CSMD1: variants seen among roughly 807,000 people sequenced by gnomAD.
The protein encoded by CSMD1 is CUB and Sushi multiple domains 1, also known as CUB and sushi domain-containing protein 1.
In CSMD1, 213 loss-of-function variants were observed where a neutral mutation model predicts 417.5. The ratio of observed to expected loss-of-function variants is 0.51; its 90% confidence interval spans 0.46 to 0.57. The LOEUF is 0.57. Among genes scored for constraint, CSMD1 ranks in the 20% least tolerant of loss-of-function variants. CSMD1 has a pLI of 0.00. For missense variants in CSMD1, 6,923 were observed against 4,529.7 expected (o/e 1.53, Z -15.17); for synonymous variants, 2,862 against 1,736.8 (o/e 1.65, Z -16.11).
intron 11 of CSMD1, among the ~76,000 whole-genome samples, chr8:3,481,384 C>T (rs890376205): frequency 2.0e-5 from 3 of 152,028 alleles, no homozygotes; most frequent in Non-Finnish European, 4.4e-5. Context: ...ATTAGAACAG[C>T]GTCTGGTACT....
At chr8:3,074,331 C>A (rs960331198) in intron 49 of CSMD1, among the ~76,000 whole-genome samples, 3 of 152,196 alleles carry the variant, frequency 2.0e-5, no homozygotes, top group African/African-American at 7.2e-5. Flanking sequence ...CACATTCTCC[C>A]TTCCTGAAGT....
chr8:4,453,810 G>GTTTTTTTTTTTTTTTTTTT (rs1392324658), intron 2 of CSMD1, among the ~76,000 whole-genome samples: 2 of 93,020 alleles, frequency 2.2e-5, no homozygotes, highest in Non-Finnish European at 2.2e-5. Flanking sequence ...TGCGCAATTC[G>GTTTTTTTTTTTTTTTTTTT]TTTCTTTTTT....
intron 10 of CSMD1, among the ~76,000 whole-genome samples, chr8:3,541,683 T>C (rs1475561310): frequency 6.7e-6 from 1 of 149,546 alleles, no homozygotes; most frequent in Non-Finnish European, 1.5e-5. Flanking sequence ...ACCCTATAAT[T>C]AGTACTAGTT....
At chr8:3,977,626 T>C (rs933144482) in intron 5 of CSMD1, among the ~76,000 whole-genome samples, 49 of 152,196 alleles carry the variant, frequency 3.2e-4, no homozygotes, top group Admixed American at 9.8e-4. Context: ...AGAAGAGCAT[T>C]GCCACTCTTG....
At chr8:3,511,343 A>G (rs1797058710) in intron 10 of CSMD1, among the ~76,000 whole-genome samples, 2 of 151,184 alleles carry the variant, frequency 1.3e-5, no homozygotes, top group South Asian at 4.2e-4. Flanking sequence ...ACAAACCTGC[A>G]CGTTCTGCAC....
At chr8:4,201,504 G>A (rs1210776783) in intron 3 of CSMD1, among the ~76,000 whole-genome samples, 6 of 118,372 alleles carry the variant, frequency 5.1e-5, no homozygotes, top group African/African-American at 9.9e-5. Flanking sequence ...CGCCACTGCC[G>A]TCCGGCCTAG....
At chr8:4,881,410 C>A (rs899280725) in intron 1 of CSMD1, among the ~76,000 whole-genome samples, 2 of 143,344 alleles carry the variant, frequency 1.4e-5, no homozygotes, top group African/African-American at 5.3e-5. Flanking sequence ...ACCTAGTATA[C>A]ATATCTATCT....
chr8:3,039,798 G>T (rs533376714), intron 50 of CSMD1, among the ~76,000 whole-genome samples: 63 of 152,226 alleles, frequency 4.1e-4, no homozygotes, highest in Middle Eastern at 6.8e-3. Flanking sequence ...CTTAATTTAA[G>T]GAGATTGCGT....
At chr8:3,550,981 T>A (rs1798885003) in intron 10 of CSMD1, among the ~76,000 whole-genome samples, 1 of 149,654 alleles carries the variant, frequency 6.7e-6, no homozygotes, top group South Asian at 2.1e-4. Context: ...AAGTGAACAG[T>A]CAGACCCCTT....
At chr8:4,172,385 A>G (rs1477998253) in intron 3 of CSMD1, among the ~76,000 whole-genome samples, 2 of 152,136 alleles carry the variant, frequency 1.3e-5, no homozygotes, top group African/African-American at 4.8e-5. Flanking sequence ...ATCAAATCCA[A>G]ATCTAAATAG....
At chr8:4,001,153 T>G (rs906810777) in intron 4 of CSMD1, among the ~76,000 whole-genome samples, 3 of 152,226 alleles carry the variant, frequency 2.0e-5, no homozygotes, top group Admixed American at 6.5e-5. Flanking sequence ...GAAATAGTCG[T>G]ATTTATGTGC....
chr8:3,533,296 A>G (rs1373115865), intron 10 of CSMD1, among the ~76,000 whole-genome samples: 1 of 151,406 alleles, frequency 6.6e-6, no homozygotes, highest in African/African-American at 2.5e-5. Context: ...TGCCCAATAT[A>G]ATATAATTAA....
chr8:3,109,780 C>T (rs1816381483), intron 43 of CSMD1, among the ~76,000 whole-genome samples: 1 of 151,692 alleles, frequency 6.6e-6, no homozygotes, highest in African/African-American at 2.4e-5. Context: ...ACAACACACA[C>T]ACAGACACCA....
chr8:4,034,178 A>C (rs72624060), intron 3 of CSMD1, among the ~76,000 whole-genome samples: 22,600 of 152,178 alleles, frequency 0.15, 2,383 homozygotes, highest in East Asian at 0.39. Context: ...TAGAATACGG[A>C]ATAGGAATCA....
At chr8:4,855,381 T>C (rs1263309046) in intron 1 of CSMD1, among the ~76,000 whole-genome samples, 8 of 152,226 alleles carry the variant, frequency 5.3e-5, no homozygotes, top group East Asian at 1.9e-4. Flanking sequence ...AGGAACGCAG[T>C]TCCTCACCAG....
chr8:4,326,914 G>A (rs536207886), intron 3 of CSMD1, among the ~76,000 whole-genome samples: 3 of 152,126 alleles, frequency 2.0e-5, no homozygotes, highest in Admixed American at 6.6e-5. Flanking sequence ...GGAAAAGTAA[G>A]TTAGGAGCCA....
chr8:4,282,854 T>A (rs1478870610), intron 3 of CSMD1, among the ~76,000 whole-genome samples: 1 of 152,162 alleles, frequency 6.6e-6, no homozygotes, highest in Non-Finnish European at 1.5e-5. Context: ...TGACAAACGT[T>A]CATTTTCTAA....
intron 3 of CSMD1, among the ~76,000 whole-genome samples, chr8:4,368,652 T>C (rs1444103321): frequency 3.9e-5 from 6 of 152,132 alleles, no homozygotes; most frequent in Non-Finnish European, 2.9e-5. Flanking sequence ...TTGGAACTTA[T>C]TGGTCTGTTC....
At chr8:4,089,114 C>T (rs1395292549) in intron 3 of CSMD1, among the ~76,000 whole-genome samples, 1 of 152,190 alleles carries the variant, frequency 6.6e-6, no homozygotes, top group Admixed American at 6.5e-5. Context: ...TTAACACAAT[C>T]CTCTCAGGGA....
Sources: gnomAD v4.1 joint callset for allele counts (sites outside exome capture counted in the v4.1 genomes callset) on GRCh38, gnomAD v4.1.1 for gene constraint, MANE v1.5 for transcripts, NCBI Gene and HGNC (gene_info 2026-07-23, HGNC 2026-07-21) for gene names.